SLC10A7: variants seen among roughly 807,000 people sequenced by gnomAD.
The protein encoded by SLC10A7 is sodium/bile acid cotransporter 7.
Under a neutral mutation model 43.2 loss-of-function variants are expected in SLC10A7, and 29 were observed. That is an observed-to-expected ratio of 0.67 (90% CI 0.50 to 0.92). The LOEUF (loss-of-function observed/expected upper bound fraction) is 0.92, where lower values mean the gene tolerates loss of function less well. Ranked by LOEUF, SLC10A7 falls within the 40% of genes least tolerant of loss-of-function variation. The pLI, the probability that SLC10A7 is intolerant of heterozygous loss-of-function variation, is 0.00. For synonymous variants in SLC10A7, 152 were observed against 144.8 expected (o/e 1.05, Z -0.35); for missense variants, 295 against 403.2 (o/e 0.73, Z 2.30).
chr4:146,318,893 A>G (rs545093690), intron 6 of SLC10A7, among the ~76,000 whole-genome samples: 130 of 151,984 alleles, frequency 8.6e-4, no homozygotes, highest in African/African-American at 3.1e-3. Flanking sequence ...TCTTAGTTCT[A>G]CTTTCCAGTT....
intron 5 of SLC10A7, among the ~76,000 whole-genome samples, chr4:146,361,531 C>T (rs573395429): frequency 6.6e-6 from 1 of 152,184 alleles, no homozygotes; most frequent in African/African-American, 2.4e-5. Context: ...TATGGCACCC[C>T]CCTAGTGCTG....
At chr4:146,509,421 A>T (rs1737245876) in intron 3 of SLC10A7, among the ~76,000 whole-genome samples, 2 of 152,214 alleles carry the variant, frequency 1.3e-5, no homozygotes, top group Admixed American at 6.5e-5. Context: ...ACTTTGCTCA[A>T]AGTCACATAG....
intron 7 of SLC10A7, among the ~76,000 whole-genome samples, chr4:146,299,223 A>C (rs1730990654): frequency 6.6e-6 from 1 of 152,202 alleles, no homozygotes. Context: ...TACAGTTGTG[A>C]AAGTAGCCTG....
intron 2 of SLC10A7, among the ~76,000 whole-genome samples, chr4:146,516,510 AT>A (rs1454515611): frequency 6.7e-6 from 1 of 149,986 alleles, no homozygotes; most frequent in Non-Finnish European, 1.5e-5. Context: ...ATACACATAC[AT>A]ATATGTGTCA....
Position 146,295,561 on chromosome 4 carries a change from C to T in SLC10A7, c.556-1466G>A, listed in dbSNP as rs116125073. On this transcript the variant is annotated intron_variant, in intron 7 of 11. Transcript: ENST00000335472. ...CAGTTCTGTCACACAGCATTATGTA[C>T]TGACATATTAGAACACAAATTTTGG... 2.9e-3 allele frequency among the ~76,000 whole-genome samples: 435 copies of T among 152,072 alleles called. 1 individual carries two copies. Among genetic ancestry groups the T allele is most frequent in the Non-Finnish European group, 4.5e-3 (304 of 67,974 alleles).
At chr4:146,326,830 A>G (rs1733142329) in intron 5 of SLC10A7, among the ~76,000 whole-genome samples, 1 of 152,154 alleles carries the variant, frequency 6.6e-6, no homozygotes, top group Non-Finnish European at 1.5e-5. Context: ...AAAACATTTC[A>G]GATTTTTATT....
chr4:146,284,357 C>T (rs73855124), intron 9 of SLC10A7, among the ~76,000 whole-genome samples: 1,792 of 152,206 alleles, frequency 0.012, 50 homozygotes, highest in East Asian at 0.086. Context: ...TCCCCATGCA[C>T]GACTTTTGCT....
intron 5 of SLC10A7, among the ~76,000 whole-genome samples, chr4:146,404,171 T>A (rs1739410907): frequency 6.6e-6 from 1 of 152,094 alleles, no homozygotes; most frequent in Non-Finnish European, 1.5e-5. Context: ...AGCACCACTA[T>A]ACCTGGCTAA....
chr4:146,398,876 G>GAAAA (rs1201227282), intron 5 of SLC10A7, among the ~76,000 whole-genome samples: 1 of 152,182 alleles, frequency 6.6e-6, no homozygotes, highest in Non-Finnish European at 1.5e-5. Flanking sequence ...TTATTCTACA[G>GAAAA]ATATTTAGCA....
chr4:146,437,641 T>C (rs1484332083), intron 5 of SLC10A7, among the ~76,000 whole-genome samples: 1 of 152,098 alleles, frequency 6.6e-6, no homozygotes, highest in Non-Finnish European at 1.5e-5. Flanking sequence ...TCTTCAATAC[T>C]GTACAAAATA....
intron 10 of SLC10A7, among the ~76,000 whole-genome samples, chr4:146,277,140 G>C (rs1729260170): frequency 6.6e-6 from 1 of 152,172 alleles, no homozygotes; most frequent in South Asian, 2.1e-4. Flanking sequence ...TCTAAATGTA[G>C]ATTGTGGTTA....
At chr4:146,495,603 T>C (rs1163541284) in intron 4 of SLC10A7, among the ~76,000 whole-genome samples, 1 of 152,218 alleles carries the variant, frequency 6.6e-6, no homozygotes, top group Non-Finnish European at 1.5e-5. Context: ...GTGCTTCATT[T>C]GCTTTCCAAG....
intron 5 of SLC10A7, among the ~76,000 whole-genome samples, chr4:146,411,575 G>A (rs1249874378): frequency 6.6e-6 from 1 of 152,072 alleles, no homozygotes; most frequent in South Asian, 2.1e-4. Context: ...TGTAGTATTA[G>A]TGTTACTAAT....
intron 5 of SLC10A7, among the ~76,000 whole-genome samples, chr4:146,412,470 A>C (rs1728266539): frequency 6.6e-6 from 1 of 152,066 alleles, no homozygotes; most frequent in African/African-American, 2.4e-5. Context: ...TGTTATTGTT[A>C]TAGTTTGTTA....
intron 4 of SLC10A7, among the ~76,000 whole-genome samples, chr4:146,449,959 A>G (rs1316584103): frequency 1.3e-5 from 2 of 152,258 alleles, no homozygotes; most frequent in African/African-American, 2.4e-5. Flanking sequence ...AGATTGACAG[A>G]GATGTCATCA....
chr4:146,421,571 A>G (rs751880489), intron 5 of SLC10A7, among the ~76,000 whole-genome samples: 4 of 152,062 alleles, frequency 2.6e-5, no homozygotes, highest in Non-Finnish European at 5.9e-5. Flanking sequence ...TCTCTATAAT[A>G]CTGTCTCACC....
intron 6 of SLC10A7, among the ~76,000 whole-genome samples, chr4:146,314,662 C>A (rs773934634): frequency 6.6e-6 from 1 of 152,124 alleles, no homozygotes; most frequent in African/African-American, 2.4e-5. Flanking sequence ...AAGATGGTGT[C>A]ATCTATGAAC....
chr4:146,521,170 T>C (rs1238433348), intron 1 of SLC10A7, among the ~76,000 whole-genome samples: 1 of 151,622 alleles, frequency 6.6e-6, no homozygotes, highest in East Asian at 1.9e-4. Flanking sequence ...AAAATCTGAG[T>C]TGGGGGCGGA....
chr4:146,501,007 GAC>G (rs1238511379), intron 4 of SLC10A7, among the ~76,000 whole-genome samples: 6 of 152,154 alleles, frequency 3.9e-5, no homozygotes, highest in African/African-American at 1.4e-4. Context: ...TGGCTTCCCT[GAC>G]ACAGTGCTCC....
Sources: allele counts gnomAD v4.1 joint callset (sites outside exome capture counted in the v4.1 genomes callset), GRCh38; gene constraint gnomAD v4.1.1; transcripts MANE v1.5; gene names NCBI Gene and HGNC (gene_info 2026-07-23, HGNC 2026-07-21).